Variants in EPC2 observed in about 807,000 individuals in gnomAD.
EPC2 encodes the protein enhancer of polycomb 2.
A neutral mutation model predicts 92.1 loss-of-function variants in EPC2; 14 were observed. That is an observed-to-expected ratio of 0.15 (90% CI 0.10 to 0.24). The LOEUF (loss-of-function observed/expected upper bound fraction) is 0.24, where lower values mean the gene tolerates loss of function less well. EPC2 is among the 10% of genes least tolerant of loss of function. The probability of loss-of-function intolerance (pLI) is 1.00; values close to 1 mark genes in which losing one functional copy is unlikely to be tolerated. For missense variants in EPC2, 755 were observed against 971.5 expected (o/e 0.78, Z 2.96); for synonymous variants, 340 against 334.7 (o/e 1.02, Z -0.17).
intron 2 of EPC2, among the ~76,000 whole-genome samples, chr2:148,702,349 G>C (rs1681908564): frequency 6.6e-6 from 1 of 152,002 alleles, no homozygotes; most frequent in Admixed American, 6.6e-5. Flanking sequence ...TTCTCTCTCT[G>C]TTTCATTTTC....
At chr2:148,649,306 C>T (rs1178692463) in intron 1 of EPC2, among the ~76,000 whole-genome samples, 5 of 152,110 alleles carry the variant, frequency 3.3e-5, no homozygotes. Flanking sequence ...AGAACATTTC[C>T]AACATTGGAG....
intron 1 of EPC2, among the ~76,000 whole-genome samples, chr2:148,684,565 T>C (rs749470196): frequency 1.3e-5 from 2 of 152,224 alleles, no homozygotes; most frequent in Non-Finnish European, 2.9e-5. Flanking sequence ...TGCATCACAT[T>C]GTATATGCAT....
intron 2 of EPC2, among the ~76,000 whole-genome samples, chr2:148,720,599 G>A (rs564418597): frequency 6.8e-4 from 103 of 152,326 alleles, no homozygotes; most frequent in African/African-American, 2.3e-3. Context: ...ACGCAGCTCC[G>A]TGTGTTGGCC....
intron 11 of EPC2, among the ~76,000 whole-genome samples, chr2:148,782,194 A>G (rs1248952083): frequency 2.0e-5 from 3 of 152,176 alleles, no homozygotes; most frequent in Non-Finnish European, 2.9e-5. Flanking sequence ...GAATTGTGCA[A>G]TACATCAACA....
intron 2 of EPC2, among the ~76,000 whole-genome samples, chr2:148,710,512 G>A (rs1215346223): frequency 6.6e-6 from 1 of 152,194 alleles, no homozygotes; most frequent in African/African-American, 2.4e-5. Flanking sequence ...TATACCCAAA[G>A]GATTATAAAT....
chr2:148,774,877 G>A (rs1683596603), intron 10 of EPC2, among the ~76,000 whole-genome samples: 1 of 151,420 alleles, frequency 6.6e-6, no homozygotes, highest in Admixed American at 6.6e-5. Context: ...CACGAGGTCA[G>A]GAGATTGAGA....
intron 1 of EPC2, among the ~76,000 whole-genome samples, chr2:148,683,510 C>T (rs957275224): frequency 6.6e-6 from 1 of 152,122 alleles, no homozygotes; most frequent in African/African-American, 2.4e-5. Context: ...TCGTGATCCA[C>T]CCACCTCGGC....
Position 148,780,849 on chromosome 2 carries a change from A to G in EPC2, c.1721-795A>G, listed in dbSNP as rs141359316. On this transcript the variant is annotated intron_variant, in intron 10 of 13. Transcript: ENST00000258484. ...AAATGTCTTTGTGTTCTCTAAATCA[A>G]CTTATCAGTGATCTACTTAAATATC... Among the ~76,000 whole-genome samples the G allele has an allele frequency of 3.0e-4, 45 of 152,286 alleles. No homozygotes were observed. The East Asian group carries it at 5.8e-3, about 20-fold the overall frequency.
intron 2 of EPC2, among the ~76,000 whole-genome samples, chr2:148,726,781 CG>C (rs1682507435): frequency 2.0e-5 from 1 of 49,264 alleles, no homozygotes; most frequent in Non-Finnish European, 4.8e-5. Context: ...TTTTTTTTTG[CG>C]TTTTTTTGTT....
intron 3 of EPC2, among the ~76,000 whole-genome samples, 188 bp downstream of exon 3, chr2:148,743,955 A>C (rs973550996): frequency 1.3e-5 from 2 of 152,116 alleles, no homozygotes; most frequent in Non-Finnish European, 2.9e-5. Context: ...TATGAAGAGT[A>C]CTGTTCTGAC....
At chr2:148,682,361 C>G (rs965079462) in intron 1 of EPC2, among the ~76,000 whole-genome samples, 3 of 152,186 alleles carry the variant, frequency 2.0e-5, no homozygotes, top group Non-Finnish European at 4.4e-5. Flanking sequence ...ATTCCTATTT[C>G]TCCACATCCT....
chr2:148,697,263 A>G lies in EPC2; in HGVS notation c.313+6890A>G, dbSNP rs566994557. On this transcript the variant is annotated intron_variant, in intron 2 of 13. Transcript: ENST00000258484. ...AAATATTTCTACACTTTAAACGTAG[A>G]AATTCATTACCATTCAAAGGGGGTT... Among the ~76,000 whole-genome samples the G allele has an allele frequency of 1.6e-4, 24 of 152,284 alleles. No individual in the cohort carries two copies. The East Asian group carries it at 4.4e-3, about 28-fold the overall frequency.
intron 4 of EPC2, among the ~76,000 whole-genome samples, chr2:148,755,358 G>C (rs1459600749): frequency 6.6e-6 from 1 of 152,054 alleles, no homozygotes; most frequent in Non-Finnish European, 1.5e-5. Flanking sequence ...CATGAGGAAA[G>C]AGAGGTTTAT....
chr2:148,738,965 C>G (rs762283675), intron 2 of EPC2, among the ~76,000 whole-genome samples: 2 of 152,094 alleles, frequency 1.3e-5, no homozygotes, highest in Non-Finnish European at 2.9e-5. Flanking sequence ...AGAGTCAGCC[C>G]CTGTGCTTAC....
intron 1 of EPC2, among the ~76,000 whole-genome samples, chr2:148,665,852 A>G (rs1574569123): frequency 6.6e-6 from 1 of 152,230 alleles, no homozygotes; most frequent in Non-Finnish European, 1.5e-5. Flanking sequence ...TCTTTATAAT[A>G]TAAAATTCTA....
In EPC2 at chr2:148,714,081, C is replaced by T. The variant is rs966091277; in HGVS notation, c.313+23708C>T. The stretch of plus-strand genomic sequence containing the variant: ...CCACCCCCCACCCTCTGACAGGCCC[C>T]AGTGTGGGTCGTTCCCCCCATCCCC... On this transcript the variant is annotated intron_variant, in intron 2 of 13. Transcript: ENST00000258484. Among the ~76,000 whole-genome samples, 4 of 140,646 alleles carry T rather than the reference C, an allele frequency of 2.8e-5. No individual in the cohort carries two copies. In the South Asian group the frequency reaches 1.1e-3, roughly 38 times the overall value. The allele number at this position is 140,646 out of a possible 152,430, so 92.3% of individuals were successfully genotyped here.
At chr2:148,660,897 A>G (rs1680918977) in intron 1 of EPC2, among the ~76,000 whole-genome samples, 1 of 151,830 alleles carries the variant, frequency 6.6e-6, no homozygotes, top group Admixed American at 6.6e-5. Context: ...TTTGTGTGCA[A>G]GAAACTGTTT....
At chr2:148,730,832 A>G (rs1574609590) in intron 2 of EPC2, among the ~76,000 whole-genome samples, 1 of 152,248 alleles carries the variant, frequency 6.6e-6, no homozygotes, top group Non-Finnish European at 1.5e-5. Flanking sequence ...AGTTAGATAT[A>G]CAACAGCACT....
chr2:148,712,686 T>C (rs1282729780), intron 2 of EPC2, among the ~76,000 whole-genome samples: 1 of 152,064 alleles, frequency 6.6e-6, no homozygotes, highest in Non-Finnish European at 1.5e-5. Flanking sequence ...GGCCAGGAGT[T>C]GGAGACCAGC....
Sources: allele counts gnomAD v4.1 joint callset (sites outside exome capture counted in the v4.1 genomes callset), GRCh38; gene constraint gnomAD v4.1.1; transcripts MANE v1.5; gene names NCBI Gene and HGNC (gene_info 2026-07-23, HGNC 2026-07-21).